Variants in AFG2A observed in about 807,000 individuals in gnomAD.
AFG2A encodes the protein AAA ATPase AFG2A.
chr4:123,221,268 A>T, the AFG2A span, among the ~76,000 whole-genome samples: 1 of 152,008 alleles, frequency 6.6e-6, no homozygotes, highest in Non-Finnish European at 1.5e-5. Flanking sequence ...CAATCCTCCC[A>T]CCTAAGCCTC....
chr4:123,239,283 C>G, the AFG2A span, among the ~76,000 whole-genome samples: 1 of 152,066 alleles, frequency 6.6e-6, no homozygotes, highest in African/African-American at 2.4e-5. Context: ...GGAGAACTTC[C>G]CCAACATAGC....
the AFG2A span, among the ~76,000 whole-genome samples, chr4:123,251,170 C>G: frequency 6.6e-6 from 1 of 152,098 alleles, no homozygotes; most frequent in African/African-American, 2.4e-5. Flanking sequence ...GCTGTATATC[C>G]TTTGCTGTGT....
chr4:123,265,505 G>C, the AFG2A span, among the ~76,000 whole-genome samples: 2 of 152,014 alleles, frequency 1.3e-5, no homozygotes. Flanking sequence ...TTACCTGAAG[G>C]CTATTTTAGA....
chr4:122,973,699 T>G, the AFG2A span, among the ~76,000 whole-genome samples: 1 of 152,220 alleles, frequency 6.6e-6, no homozygotes, highest in East Asian at 1.9e-4. Flanking sequence ...ACTTTACTTT[T>G]TTGGAGACAG....
At chr4:123,256,633 G>A in the AFG2A span, 1 of 897,776 alleles carries the variant, frequency 1.1e-6, no homozygotes, top group Non-Finnish European at 1.3e-6. Flanking sequence ...CAAACAGATT[G>A]TATCATTATC....
the AFG2A span, among the ~76,000 whole-genome samples, chr4:123,188,333 A>G: frequency 6.6e-6 from 1 of 152,138 alleles, no homozygotes; most frequent in Non-Finnish European, 1.5e-5. Flanking sequence ...TTTGACATCT[A>G]AATGTCATAA....
the AFG2A span, among the ~76,000 whole-genome samples, chr4:123,167,208 A>G: frequency 6.7e-6 from 1 of 148,378 alleles, no homozygotes; most frequent in Non-Finnish European, 1.5e-5. Context: ...TATTATATAT[A>G]TTTGATATAT....
chr4:123,202,144 GCT>G, the AFG2A span, among the ~76,000 whole-genome samples: 1 of 152,074 alleles, frequency 6.6e-6, no homozygotes, highest in South Asian at 2.1e-4. Flanking sequence ...AGTGGTTTAT[GCT>G]GGGGTTAATA....
chr4:122,977,711 C>T, the AFG2A span, among the ~76,000 whole-genome samples: 1 of 152,162 alleles, frequency 6.6e-6, no homozygotes, highest in Non-Finnish European at 1.5e-5. Context: ...AGTTCTTGTG[C>T]AGCCTTTAGG....
At chr4:122,927,504 A>G in the AFG2A span, 1 of 830,920 alleles carries the variant, frequency 1.2e-6, no homozygotes, top group Non-Finnish European at 1.8e-6. Context: ...TTGGAACACT[A>G]GTTTCTCCAG....
At chr4:122,947,667 A>G in the AFG2A span, among the ~76,000 whole-genome samples, 5 of 152,178 alleles carry the variant, frequency 3.3e-5, no homozygotes, top group African/African-American at 9.6e-5. Flanking sequence ...TCAGAAGACT[A>G]TAAAAAAAAA....
chr4:122,982,162 T>C, the AFG2A span, among the ~76,000 whole-genome samples: 27 of 152,310 alleles, frequency 1.8e-4, 1 homozygote, highest in Admixed American at 1.4e-3. Context: ...CGTTATGATG[T>C]TGAGATACAT....
the AFG2A span, among the ~76,000 whole-genome samples, chr4:123,166,243 A>G: frequency 6.6e-6 from 1 of 152,190 alleles, no homozygotes; most frequent in Admixed American, 6.5e-5. Flanking sequence ...GCACAATCTA[A>G]TCAGCTTCAG....
At chr4:123,147,329 G>GA in the AFG2A span, among the ~76,000 whole-genome samples, 1 of 152,124 alleles carries the variant, frequency 6.6e-6, no homozygotes, top group African/African-American at 2.4e-5. Context: ...CTTTACCTCT[G>GA]AAGCATCAAA....
At chr4:122,999,903 T>C in the AFG2A span, among the ~76,000 whole-genome samples, 1 of 152,136 alleles carries the variant, frequency 6.6e-6, no homozygotes, top group Admixed American at 6.5e-5. Context: ...TTGGGCAGTA[T>C]GGCCATTTTC....
chr4:123,027,728 A>AC, the AFG2A span, among the ~76,000 whole-genome samples: 3 of 152,222 alleles, frequency 2.0e-5, no homozygotes, highest in Non-Finnish European at 4.4e-5. Flanking sequence ...CCTTGGGGAT[A>AC]CTTTATATGC....
the AFG2A span, among the ~76,000 whole-genome samples, chr4:122,965,260 CAT>C: frequency 2.6e-5 from 4 of 152,252 alleles, no homozygotes; most frequent in African/African-American, 9.6e-5. Context: ...TCAAAAATAA[CAT>C]ATAACTTAGC....
chr4:123,307,412 T>C, the AFG2A span, among the ~76,000 whole-genome samples: 1 of 152,170 alleles, frequency 6.6e-6, no homozygotes, highest in African/African-American at 2.4e-5. Flanking sequence ...ACACACATAC[T>C]TATCTCATTA....
chr4:123,028,140 G>A, the AFG2A span: 1 of 1,513,142 alleles, frequency 6.6e-7, no homozygotes, highest in African/African-American at 1.4e-5. Flanking sequence ...TTAGTTCTCT[G>A]TTTGTCCTGG....
Sources: allele counts gnomAD v4.1 joint callset (sites outside exome capture counted in the v4.1 genomes callset), GRCh38; gene constraint gnomAD v4.1.1; transcripts MANE v1.5; gene names NCBI Gene and HGNC (gene_info 2026-07-23, HGNC 2026-07-21).